COL19A1: variants seen among roughly 807,000 people sequenced by gnomAD.
COL19A1 encodes collagen type XIX alpha 1 chain.
In COL19A1, 159 loss-of-function variants were observed where a neutral mutation model predicts 190.2. The ratio of observed to expected loss-of-function variants is 0.84; its 90% CI spans 0.73 to 0.95. COL19A1 has a LOEUF of 0.95. Ranked by LOEUF, COL19A1 falls within the 40% of genes least tolerant of loss-of-function variation. COL19A1 has a pLI of 0.00. For synonymous variants in COL19A1, 509 were observed against 458.9 expected, an observed-to-expected ratio of 1.11 and a Z score of -1.39; for missense variants, 1,418 against 1,431.9, an observed-to-expected ratio of 0.99 and a Z score of 0.16.
chr6:70,142,169 T>A (rs1432775255), intron 22 of COL19A1, 93 bp downstream of exon 22: 3 of 1,125,330 alleles, frequency 2.7e-6, no homozygotes, highest in African/African-American at 3.1e-5. Flanking sequence ...CCACTCATTT[T>A]CTTCACAAAT....
chr6:70,029,669 T>C (rs1778924856), intron 12 of COL19A1, among the ~76,000 whole-genome samples: 1 of 152,182 alleles, frequency 6.6e-6, no homozygotes, highest in South Asian at 2.1e-4. Context: ...GCCATGGCCT[T>C]AACAACATTG....
intron 2 of COL19A1, among the ~76,000 whole-genome samples, chr6:69,883,395 C>G (rs1214223766): frequency 6.6e-6 from 1 of 152,142 alleles, no homozygotes; most frequent in African/African-American, 2.4e-5. Context: ...AGGACCCTTC[C>G]CGGATATCAG....
intron 11 of COL19A1, chr6:69,973,749 C>A (rs1775560147): frequency 6.6e-6 from 1 of 152,138 alleles, no homozygotes; most frequent in South Asian, 2.1e-4. Flanking sequence ...TAACAAAAAT[C>A]TCTTTTTTGG....
chr6:70,181,503 A>T (rs1047407498), intron 44 of COL19A1, among the ~76,000 whole-genome samples: 11 of 152,066 alleles, frequency 7.2e-5, no homozygotes, highest in Middle Eastern at 3.4e-3. Context: ...AAGGCATATC[A>T]TTAAAGCCTG....
chr6:70,136,841 C>G (rs1785903619), intron 18 of COL19A1, among the ~76,000 whole-genome samples: 2 of 151,876 alleles, frequency 1.3e-5, no homozygotes, highest in Admixed American at 6.6e-5. Context: ...GGTATATGCT[C>G]AGAAATGTAA....
intron 11 of COL19A1, among the ~76,000 whole-genome samples, chr6:70,016,786 A>G (rs1383896384): frequency 6.6e-6 from 1 of 152,076 alleles, no homozygotes; most frequent in Admixed American, 6.6e-5. Flanking sequence ...ATCATTAATC[A>G]TTAAGAAAAT....
intron 15 of COL19A1, among the ~76,000 whole-genome samples, chr6:70,087,513 G>T (rs752732337): frequency 2.2e-4 from 33 of 152,256 alleles, no homozygotes; most frequent in African/African-American, 5.3e-4. Context: ...GAGGAGGTCA[G>T]AGAGTCCACA....
chr6:70,093,481 G>C (rs1306346960), intron 15 of COL19A1, among the ~76,000 whole-genome samples: 1 of 152,036 alleles, frequency 6.6e-6, no homozygotes, highest in Non-Finnish European at 1.5e-5. Context: ...AGGCAGTTAG[G>C]CATTCCAACA....
chr6:70,197,355 G>A (rs1188042475), intron 48 of COL19A1, among the ~76,000 whole-genome samples: 2 of 151,892 alleles, frequency 1.3e-5, no homozygotes, highest in African/African-American at 2.4e-5. Flanking sequence ...CCCGGGAGAC[G>A]GAGGTTGCAG....
In COL19A1 at chr6:70,180,459, A is replaced by T; in HGVS notation, c.2713-2A>T. On this transcript the variant is annotated splice_acceptor_variant, in intron 43 of 50. Coordinates refer to ENST00000620364, the MANE Select transcript of COL19A1 (RefSeq NM_001858.6). LOFTEE classifies it high-confidence loss of function. ...AATTTGTGTCTGTGGATGTGTTTATAGGGTGAGAGAGGACCTGTTGGAGAT... is the reference window on the plus strand; with the variant it reads ...AATTTGTGTCTGTGGATGTGTTTATTGGGTGAGAGAGGACCTGTTGGAGAT... 3 of 1,614,130 alleles carry T rather than the reference A, an allele frequency of 1.9e-6. No individual in the cohort carries two copies. Among genetic ancestry groups the T allele is most frequent in the Non-Finnish European group, 8.5e-7 (1 of 1,180,000 alleles).
At chr6:70,068,027 T>C (rs1447748363) in intron 14 of COL19A1, among the ~76,000 whole-genome samples, 1 of 152,148 alleles carries the variant, frequency 6.6e-6, no homozygotes, top group Non-Finnish European at 1.5e-5. Context: ...GAATATACTT[T>C]AAAAGCTACT....
intron 11 of COL19A1, among the ~76,000 whole-genome samples, chr6:70,001,052 G>A (rs192580025): frequency 6.6e-6 from 1 of 152,136 alleles, no homozygotes; most frequent in Non-Finnish European, 1.5e-5. Context: ...TGTATAAGGT[G>A]TAAGAAAGGG....
intron 15 of COL19A1, among the ~76,000 whole-genome samples, chr6:70,085,114 A>G (rs1782503059): frequency 6.6e-6 from 1 of 152,190 alleles, no homozygotes; most frequent in Non-Finnish European, 1.5e-5. Context: ...TAGTTATAAT[A>G]TTAATTTCTA....
At chr6:70,144,329 G>A in intron 24 of COL19A1, 66 bp downstream of exon 24, 1 of 1,422,848 alleles carries the variant, frequency 7.0e-7, no homozygotes, top group South Asian at 1.2e-5. Flanking sequence ...AGGATCATAA[G>A]GGAGATGAAA....
intron 48 of COL19A1, among the ~76,000 whole-genome samples, chr6:70,197,578 TATG>T (rs1767289832): frequency 6.6e-6 from 1 of 152,208 alleles, no homozygotes; most frequent in Admixed American, 6.5e-5. Flanking sequence ...GTACATTCAG[TATG>T]ATGATTTGTA....
At chr6:70,062,693 A>C (rs1480114401) in intron 14 of COL19A1, among the ~76,000 whole-genome samples, 2 of 152,178 alleles carry the variant, frequency 1.3e-5, no homozygotes, top group Non-Finnish European at 2.9e-5. Flanking sequence ...GGCAAATTGG[A>C]TAAAGAGTCA....
intron 14 of COL19A1, among the ~76,000 whole-genome samples, chr6:70,040,655 T>C (rs1256838013): frequency 2.6e-5 from 4 of 152,058 alleles, no homozygotes; most frequent in Non-Finnish European, 5.9e-5. Flanking sequence ...ACGGGTCATA[T>C]GGAAAATACT....
At chr6:70,045,564 A>G (rs1226979840) in intron 14 of COL19A1, among the ~76,000 whole-genome samples, 1 of 152,182 alleles carries the variant, frequency 6.6e-6, no homozygotes, top group Non-Finnish European at 1.5e-5. Context: ...TCGCATAGCA[A>G]ACTCTGTTTC....
chr6:69,936,380 A>G (rs1016763821), intron 7 of COL19A1, among the ~76,000 whole-genome samples: 10 of 152,148 alleles, frequency 6.6e-5, no homozygotes, highest in African/African-American at 1.2e-4. Flanking sequence ...GAAGGAAACC[A>G]TATTTTATAG....
Sources: allele counts gnomAD v4.1 joint callset (sites outside exome capture counted in the v4.1 genomes callset), GRCh38; gene constraint gnomAD v4.1.1; transcripts MANE v1.5; gene names NCBI Gene and HGNC (gene_info 2026-07-23, HGNC 2026-07-21).